Variants in ASPRV1 observed in about 807,000 individuals in gnomAD.
ASPRV1 encodes the protein retroviral-like aspartic protease 1.
A neutral mutation model predicts 11.0 loss-of-function variants in ASPRV1; 7 were observed. The observed-to-expected ratio is 0.64, with a 90% CI of 0.36 to 1.20. ASPRV1 has a LOEUF of 1.20. Among genes scored for constraint, ASPRV1 ranks in the 50% most tolerant of loss-of-function variants. ASPRV1 has a pLI of 0.02. For synonymous variants in ASPRV1, 136 were observed against 138.4 expected (o/e 0.98, Z 0.12); for missense variants, 299 against 320.0 (o/e 0.93, Z 0.50).
the ASPRV1 span, chr2:69,988,579 TGAA>T: frequency 2.9e-6 from 1 of 341,076 alleles, no homozygotes; most frequent in Middle Eastern, 1.1e-3. Flanking sequence ...TGTGGGAAGA[TGAA>T]GAAGTTCTGA....
the ASPRV1 span, among the ~76,000 whole-genome samples, chr2:70,004,740 C>T: frequency 1.3e-5 from 2 of 152,126 alleles, no homozygotes; most frequent in Non-Finnish European, 2.9e-5. Context: ...TCGTCTCCTG[C>T]TCTATCTCCT....
At chr2:70,080,789 A>G in the ASPRV1 span, 12 of 152,206 alleles carry the variant, frequency 7.9e-5, no homozygotes, top group South Asian at 2.1e-4. Flanking sequence ...TCCTTCATTC[A>G]TATCTTTCTG....
the ASPRV1 span, among the ~76,000 whole-genome samples, chr2:69,998,553 C>T: frequency 2.0e-5 from 3 of 151,672 alleles, no homozygotes; most frequent in Non-Finnish European, 2.9e-5. Context: ...GGTGAAACCC[C>T]GTCTCTACTA....
the ASPRV1 span, chr2:70,046,552 C>A: frequency 9.2e-5 from 14 of 152,236 alleles, no homozygotes; most frequent in African/African-American, 2.4e-4. Context: ...GATGGGAGTT[C>A]TTATTATTAG....
At chr2:69,995,670 C>T in the ASPRV1 span, among the ~76,000 whole-genome samples, 1 of 152,008 alleles carries the variant, frequency 6.6e-6, no homozygotes, top group Non-Finnish European at 1.5e-5. Flanking sequence ...GGAGGTGGGG[C>T]TTGCTGTGGT....
At chr2:70,072,869 T>C in the ASPRV1 span, among the ~76,000 whole-genome samples, 10,061 of 140,436 alleles carry the variant, frequency 0.072, 1,183 homozygotes, top group African/African-American at 0.25. Context: ...CTGAACAATA[T>C]AGTGAAACCT....
chr2:69,964,221 C>A, upstream of ASPRV1: 1 of 360,494 alleles, frequency 2.8e-6, no homozygotes, highest in Non-Finnish European at 5.5e-6. Flanking sequence ...ACCAAGGAGC[C>A]CAAGCCCACC....
At chr2:70,060,106 C>T in the ASPRV1 span, 1 of 152,056 alleles carries the variant, frequency 6.6e-6, no homozygotes, top group Non-Finnish European at 1.5e-5. Context: ...CTTTGAGAGA[C>T]CGAAGCAGGC....
the ASPRV1 span, among the ~76,000 whole-genome samples, chr2:70,047,110 T>C: frequency 1.8e-4 from 28 of 152,274 alleles, no homozygotes; most frequent in Non-Finnish European, 3.1e-4. Flanking sequence ...TCAATAAATA[T>C]TTCTTGAGGT....
the ASPRV1 span, among the ~76,000 whole-genome samples, chr2:70,025,215 A>T: frequency 6.6e-6 from 1 of 152,134 alleles, no homozygotes; most frequent in African/African-American, 2.4e-5. Flanking sequence ...TGTGTTGGGG[A>T]TTAGAAATGC....
chr2:70,000,997 A>C, the ASPRV1 span, among the ~76,000 whole-genome samples: 4 of 152,028 alleles, frequency 2.6e-5, no homozygotes, highest in Non-Finnish European at 4.4e-5. Flanking sequence ...AAAATTTTCA[A>C]AAATGCTAAT....
the ASPRV1 span, chr2:70,050,005 T>A: frequency 6.6e-6 from 1 of 152,176 alleles, no homozygotes; most frequent in Non-Finnish European, 1.5e-5. Context: ...AATACAAGGC[T>A]GGGCGCAGTG....
At chr2:69,934,659 G>A in the ASPRV1 span, among the ~76,000 whole-genome samples, 4 of 152,112 alleles carry the variant, frequency 2.6e-5, no homozygotes, top group South Asian at 2.1e-4. Context: ...ATAGATTCTT[G>A]TTTTCCTCCA....
At chr2:70,038,271 G>A in the ASPRV1 span, among the ~76,000 whole-genome samples, 1 of 152,190 alleles carries the variant, frequency 6.6e-6, no homozygotes, top group Non-Finnish European at 1.5e-5. Flanking sequence ...TGAAGGCTGG[G>A]CAGAGTGGCT....
the ASPRV1 span, among the ~76,000 whole-genome samples, chr2:70,065,834 A>G: frequency 6.7e-6 from 1 of 148,966 alleles, no homozygotes; most frequent in South Asian, 2.1e-4. Context: ...AAAAAAAAAA[A>G]AAAAAAAAAA....
chr2:70,019,062 G>A, the ASPRV1 span: 1 of 152,102 alleles, frequency 6.6e-6, no homozygotes, highest in Non-Finnish European at 1.5e-5. Context: ...AAACAACTCA[G>A]TAGGAAGAAA....
chr2:70,010,532 C>T, the ASPRV1 span, among the ~76,000 whole-genome samples: 4 of 152,054 alleles, frequency 2.6e-5, no homozygotes, highest in African/African-American at 9.7e-5. Flanking sequence ...TGGCAGACAA[C>T]GAGGCCACAA....
rs1157528075 is a variant in ASPRV1 at position 69,960,260 on chromosome 2, A to T, written c.*397T>A. On this transcript the variant is annotated 3_prime_UTR_variant, in exon 1 of 1. Transcript: ENST00000320256. ...CCCTCACAAAGACCCTGCAGCTAGG[A>T]CCCAGCCCAACTAAGACAGGCTTTG... 5.2e-6 allele frequency: 1 copy of T among 193,054 alleles called. No homozygotes were observed. Among genetic ancestry groups the T allele is most frequent in the Non-Finnish European group, 1.1e-5 (1 of 92,588 alleles). The allele number at this position is 193,054 out of a possible 1,614,324, so 12.0% of individuals were successfully genotyped here. A position where few individuals can be genotyped will look rare whatever the true frequency, so the allele number is the denominator to read the frequency against.
At chr2:69,955,692 T>C (rs1012177691), downstream of ASPRV1, among the ~76,000 whole-genome samples, 1 of 152,168 alleles carries the variant, frequency 6.6e-6, no homozygotes, top group Non-Finnish European at 1.5e-5. Flanking sequence ...TGCAGGAGCG[T>C]GTGTGATGTG....
Sources: allele counts gnomAD v4.1 joint callset (sites outside exome capture counted in the v4.1 genomes callset), GRCh38; gene constraint gnomAD v4.1.1; transcripts MANE v1.5; gene names NCBI Gene and HGNC (gene_info 2026-07-23, HGNC 2026-07-21).